FMNL3: variants seen among roughly 807,000 people sequenced by gnomAD.
FMNL3 encodes the protein formin-like protein 3.
In FMNL3, 57 loss-of-function variants were observed where a neutral mutation model predicts 119.6. That is an observed-to-expected ratio of 0.48 (90% confidence interval 0.39 to 0.59). The LOEUF is 0.59. Ranked by LOEUF, FMNL3 falls within the 20% of genes least tolerant of loss-of-function variation. The pLI, the probability that FMNL3 is intolerant of heterozygous loss-of-function variation, is 0.00. For synonymous variants in FMNL3, 491 were observed against 507.3 expected (o/e 0.97, Z 0.43); for missense variants, 1,053 against 1,323.5 (o/e 0.80, Z 3.17).
chr12:49,636,921 C>G lies in FMNL3; in HGVS notation c.*8894G>C. 2 of 1,601,246 alleles carry G rather than the reference C, an allele frequency of 1.2e-6. No individual in the cohort carries two copies. The highest frequency in any genetic ancestry group is 2.2e-5 in the South Asian group (2 of 90,470). ...GCACAACCTCTTCACCCATTCCCTG[C>G]CCCCTTCTGGATACGCTGCCTGTTC... is the stretch of plus-strand genomic sequence containing the variant. On this transcript the variant is annotated 3_prime_UTR_variant, in exon 26 of 26. Coordinates refer to ENST00000335154, the MANE Select transcript of FMNL3 (RefSeq NM_175736.5).
Position 49,637,745 on chromosome 12 carries a change from T to G in FMNL3, c.*8070A>C. The G allele has an allele frequency of 6.8e-7, 1 of 1,466,948 alleles. No individual in the cohort carries two copies. Among genetic ancestry groups the G allele is most frequent in the Non-Finnish European group, 9.3e-7 (1 of 1,076,744 alleles). The allele number at this position is 1,466,948 out of a possible 1,614,324, so 90.9% of individuals were successfully genotyped here. A position where few individuals can be genotyped will look rare whatever the true frequency, so the allele number is the denominator to read the frequency against. ...TCCCTCCTTACAGGCTCCACCCCTC[T>G]GGACTTATTCAAGTTCTATGTGGAG... is the stretch of plus-strand genomic sequence containing the variant. On this transcript the variant is annotated 3_prime_UTR_variant, in exon 26 of 26. Coordinates refer to ENST00000335154, the MANE Select transcript of FMNL3 (RefSeq NM_175736.5).
In FMNL3 at chr12:49,647,137, C is replaced by T. The variant is rs543658886; in HGVS notation, c.2872-128G>A. 35 of 1,559,658 alleles carry T rather than the reference C, an allele frequency of 2.2e-5. No homozygotes were observed. The East Asian group carries it at 4.9e-4, about 22-fold the overall frequency. ...CTAGGAATCCCCAAAGGCCCTCCCTCCATCCCTCTGGATGCCAGCCCACTG... is the reference window on the plus strand; with the variant it reads ...CTAGGAATCCCCAAAGGCCCTCCCTTCATCCCTCTGGATGCCAGCCCACTG... On this transcript the variant is annotated intron_variant, in intron 24 of 25. Coordinates refer to ENST00000335154, the MANE Select transcript of FMNL3 (RefSeq NM_175736.5). The surrounding 1 kb of genome is among the most constrained non-coding windows in gnomAD (Gnocchi z 4.9).
intron 1 of FMNL3, among the ~76,000 whole-genome samples, chr12:49,685,271 G>A (rs1002006537): frequency 2.6e-5 from 4 of 152,214 alleles, no homozygotes; most frequent in African/African-American, 9.6e-5. Context: ...GATCACTTGA[G>A]CCCAGGAGTT....
chr12:49,643,429 GA>G lies in FMNL3; in HGVS notation c.*2385del. ...AGTTGCTGTGAGCGTAGAAGCTGGA[GA>G]ACTGTTGTCCCAGACTGAGAGGATG... On this transcript the variant is annotated 3_prime_UTR_variant, in exon 26 of 26. Transcript: ENST00000335154. 6.5e-7 allele frequency: 1 copy of G among 1,530,850 alleles called. No homozygotes were observed. Among genetic ancestry groups the G allele is most frequent in the Non-Finnish European group, 8.8e-7 (1 of 1,141,500 alleles). 94.8% of individuals were successfully genotyped at this position (1,530,850 alleles called of 1,614,324 possible).
intron 1 of FMNL3, among the ~76,000 whole-genome samples, chr12:49,669,073 G>C (rs1257312049): frequency 2.7e-5 from 4 of 146,524 alleles, no homozygotes. Flanking sequence ...GGCAAATCCT[G>C]AGCCACCCAC....
intron 11 of FMNL3, 64 bp from the exon 12 acceptor site, chr12:49,653,938 G>A (rs1220539176): frequency 1.3e-6 from 2 of 1,582,592 alleles, no homozygotes; most frequent in Non-Finnish European, 1.7e-6. Context: ...GGAACTTTCT[G>A]AGAAAGTCTT....
chr12:49,691,070 G>A (rs1173345667), intron 1 of FMNL3, among the ~76,000 whole-genome samples: 4 of 152,102 alleles, frequency 2.6e-5, no homozygotes, highest in African/African-American at 9.7e-5. Flanking sequence ...ACTGGGCTTT[G>A]GCATCAGGCT....
At chr12:49,648,982 C>G in intron 21 of FMNL3, 47 bp downstream of exon 21, 1 of 1,546,988 alleles carries the variant, frequency 6.5e-7, no homozygotes, top group Non-Finnish European at 8.7e-7. Flanking sequence ...CTGGGATTGT[C>G]CTGGGCTGGA....
intron 1 of FMNL3, among the ~76,000 whole-genome samples, chr12:49,679,758 C>A (rs1211450754): frequency 1.3e-5 from 2 of 152,126 alleles, no homozygotes; most frequent in Non-Finnish European, 2.9e-5. Context: ...CAGGCTCACG[C>A]AATCCACCCA....
At chr12:49,688,462 G>C (rs962645216) in intron 1 of FMNL3, 29 of 455,854 alleles carry the variant, frequency 6.4e-5, no homozygotes, top group African/African-American at 5.4e-4. Flanking sequence ...ATACCTTCTC[G>C]GACTCTCCTC....
At chr12:49,686,578 CA>C (rs746062262) in intron 1 of FMNL3, among the ~76,000 whole-genome samples, 7,074 of 61,928 alleles carry the variant, frequency 0.11, 256 homozygotes, top group African/African-American at 0.24. Flanking sequence ...ACTTCATCTC[CA>C]AAAAAAAAAA....
rs549648138 is a variant in FMNL3, at chr12:49,648,534, A to G, written c.2516-181T>C. On this transcript the variant is annotated intron_variant, in intron 21 of 25. Coordinates refer to ENST00000335154, the MANE Select transcript of FMNL3 (RefSeq NM_175736.5). ...ATCCCTCACAGGGGGAGGGAATGGA[A>G]TGGAAACTGAGCTTGTGACCCCAAA... 6.6e-5 allele frequency among the ~76,000 whole-genome samples: 10 copies of G among 152,300 alleles called. No individual in the cohort carries two copies. In the East Asian group the frequency reaches 1.2e-3, roughly 18 times the overall value.
At position 49,643,576 on chromosome 12, in the gene FMNL3, G is replaced by C; in HGVS notation, c.*2239C>G. 3.6e-6 allele frequency: 5 copies of C among 1,380,010 alleles called. No homozygotes were observed. The South Asian group carries it at 7.1e-5, about 20-fold the overall frequency. The allele number at this position is 1,380,010 out of a possible 1,614,324, so 85.5% of individuals were successfully genotyped here. A position where few individuals can be genotyped will look rare whatever the true frequency, so the allele number is the denominator to read the frequency against. ...AGCTGGAGAAGGAAAACTGGACTTA[G>C]ACTTCCTCAGAGCATGAGGTTCCTG... On this transcript the variant is annotated 3_prime_UTR_variant, in exon 26 of 26. Coordinates refer to ENST00000335154, the MANE Select transcript of FMNL3 (RefSeq NM_175736.5).
At position 49,647,889 on chromosome 12, in the gene FMNL3, C is replaced by T; in HGVS notation, c.2677-85G>A. 8.7e-7 allele frequency: 1 copy of T among 1,151,102 alleles called. No homozygotes were observed. The highest frequency in any genetic ancestry group is 1.3e-6 in the Non-Finnish European group (1 of 783,382). 71.3% of individuals were successfully genotyped at this position (1,151,102 alleles called of 1,614,324 possible). On this transcript the variant is annotated intron_variant, in intron 22 of 25. Coordinates refer to ENST00000335154, the MANE Select transcript of FMNL3 (RefSeq NM_175736.5). The surrounding 1 kb of genome is among the most constrained non-coding windows in gnomAD (Gnocchi z 4.9). ...CCACGGATGAGAGGCCTGCAGAAAGCAGAGCCCAGGGCCAAAGGGAGGAAA... is the reference window on the plus strand; with the variant it reads ...CCACGGATGAGAGGCCTGCAGAAAGTAGAGCCCAGGGCCAAAGGGAGGAAA...
At chr12:49,663,225 A>G (rs1391008988) in intron 4 of FMNL3, among the ~76,000 whole-genome samples, 1 of 152,146 alleles carries the variant, frequency 6.6e-6, no homozygotes, top group Non-Finnish European at 1.5e-5. Context: ...GTCTGAGTCT[A>G]TACTGCTATT....
In FMNL3 at chr12:49,637,671, G is replaced by C; in HGVS notation, c.*8144C>G. The C allele has an allele frequency of 1.3e-6, 2 of 1,543,148 alleles. No homozygotes were observed. Among genetic ancestry groups the C allele is most frequent in the South Asian group, 1.1e-5 (1 of 88,276 alleles). The stretch of plus-strand genomic sequence containing the variant: ...CCCCTACTACCGGCTCCTGTCCTCG[G>C]CCCAGCCCCCAGGCCTTGGGAAGCT... On this transcript the variant is annotated 3_prime_UTR_variant, in exon 26 of 26. Coordinates refer to ENST00000335154, the MANE Select transcript of FMNL3 (RefSeq NM_175736.5).
Position 49,644,096 on chromosome 12 carries a change from A to G in FMNL3, c.*1719T>C, listed in dbSNP as rs376317940. Reference sequence around the variant, plus strand: ...AAGGGTGAACTGTGCCTTTGCTCCAACAGACAGGCTGGGACACGTCAGAAA... The same window carrying G: ...AAGGGTGAACTGTGCCTTTGCTCCAGCAGACAGGCTGGGACACGTCAGAAA... On this transcript the variant is annotated 3_prime_UTR_variant, in exon 26 of 26. Coordinates refer to ENST00000335154, the MANE Select transcript of FMNL3 (RefSeq NM_175736.5). 3.0e-5 allele frequency: 48 copies of G among 1,614,058 alleles called. No homozygotes were observed. The highest frequency in any genetic ancestry group is 3.1e-5 in the Non-Finnish European group (37 of 1,180,038).
chr12:49,648,690 A>C (rs1377564946), intron 21 of FMNL3, among the ~76,000 whole-genome samples: 1 of 152,152 alleles, frequency 6.6e-6, no homozygotes, highest in Non-Finnish European at 1.5e-5. Flanking sequence ...GAGCTTTATG[A>C]TTTTTTTCTA....
chr12:49,648,008 A>G (rs1266882491), intron 22 of FMNL3, among the ~76,000 whole-genome samples, 185 bp downstream of exon 22: 1 of 151,160 alleles, frequency 6.6e-6, no homozygotes, highest in African/African-American at 2.4e-5. Context: ...GGCACTCCCA[A>G]AGCGCTCTCT....
Sources: allele counts gnomAD v4.1 joint callset (sites outside exome capture counted in the v4.1 genomes callset), GRCh38; gene constraint gnomAD v4.1.1; non-coding constraint Gnocchi (gnomAD v3.1); transcripts MANE v1.5; gene names NCBI Gene and HGNC (gene_info 2026-07-23, HGNC 2026-07-21).